The following RGS6 variants were observed in gnomAD, a reference collection of about 807,000 sequenced individuals.
The protein encoded by RGS6 is regulator of G-protein signaling 6.
RGS6 carries 30 observed loss-of-function variants against 78.5 expected under a neutral mutation model. That is an observed-to-expected ratio of 0.38 (90% CI 0.29 to 0.52). The LOEUF is 0.52. Among genes scored for constraint, RGS6 ranks in the 20% least tolerant of loss-of-function variants. RGS6 has a pLI of 0.85. For missense variants in RGS6, 495 were observed against 609.7 expected, an observed-to-expected ratio of 0.81 and a Z score of 1.98; for synonymous variants, 206 against 206.0, an observed-to-expected ratio of 1.00 and a Z score of 0.00.
chr14:72,468,730 G>A (rs1444240067), intron 7 of RGS6, among the ~76,000 whole-genome samples: 1 of 152,054 alleles, frequency 6.6e-6, no homozygotes, highest in Non-Finnish European at 1.5e-5. Context: ...CTACGTTATT[G>A]TGTTTAATGG....
chr14:71,878,978 G>A, the RGS6 span, among the ~76,000 whole-genome samples: 1 of 152,112 alleles, frequency 6.6e-6, no homozygotes, highest in East Asian at 1.9e-4. Context: ...GACACACTGG[G>A]CAGATATGTT....
the RGS6 span, chr14:72,620,082 T>C: frequency 8.0e-7 from 1 of 1,249,342 alleles, no homozygotes; most frequent in Non-Finnish European, 1.1e-6. Context: ...TCCACGTCGG[T>C]CTCACTGGAT....
chr14:72,195,882 A>G (rs191872466), intron 2 of RGS6, among the ~76,000 whole-genome samples: 4 of 152,352 alleles, frequency 2.6e-5, no homozygotes, highest in East Asian at 3.9e-4. Flanking sequence ...GGCAGTGGGT[A>G]CAGATCGCAG....
At chr14:72,442,848 G>A (rs960969948) in intron 3 of RGS6, among the ~76,000 whole-genome samples, 1 of 152,264 alleles carries the variant, frequency 6.6e-6, no homozygotes, top group African/African-American at 2.4e-5. Flanking sequence ...AGCTGGGATG[G>A]AGAAAGAGGA....
chr14:72,494,075 A>G (rs1460622791), intron 12 of RGS6, among the ~76,000 whole-genome samples: 1 of 152,246 alleles, frequency 6.6e-6, no homozygotes, highest in Non-Finnish European at 1.5e-5. Context: ...GAGCAAGAAG[A>G]CTAAAGACTT....
intron 3 of RGS6, among the ~76,000 whole-genome samples, chr14:72,409,427 G>C (rs1248482989): frequency 6.6e-6 from 1 of 152,142 alleles, no homozygotes; most frequent in Non-Finnish European, 1.5e-5. Flanking sequence ...TCATTTTACT[G>C]TTCACATTGG....
Position 72,482,922 on chromosome 14 carries a change from A to G in RGS6, c.854+4593A>G, listed in dbSNP as rs964665224. 3.2e-4 allele frequency among the ~76,000 whole-genome samples: 48 copies of G among 152,324 alleles called. 1 individual carries two copies. Among genetic ancestry groups the G allele is most frequent in the South Asian group, 8.3e-4 (4 of 4,828 alleles). ...AGCTTTGATCCTAAAGCAAGTGTGA[A>G]AAGTCTTTTTTGTGAGGTGTGTTGT... On this transcript the variant is annotated intron_variant, in intron 12 of 17. Coordinates refer to ENST00000553525, the MANE Select transcript of RGS6 (RefSeq NM_001204424.2).
At chr14:72,232,291 C>T (rs1166689374) in intron 2 of RGS6, among the ~76,000 whole-genome samples, 1 of 152,092 alleles carries the variant, frequency 6.6e-6, no homozygotes, top group Non-Finnish European at 1.5e-5. Context: ...AGAACTCTGA[C>T]CCAGATTCTG....
chr14:71,926,756 G>A, the RGS6 span, among the ~76,000 whole-genome samples: 1 of 152,048 alleles, frequency 6.6e-6, no homozygotes, highest in African/African-American at 2.4e-5. Context: ...TGTTTTACAG[G>A]GTGTTATGCA....
chr14:72,160,625 G>A (rs1331061840), intron 2 of RGS6, among the ~76,000 whole-genome samples: 4 of 152,228 alleles, frequency 2.6e-5, no homozygotes, highest in Non-Finnish European at 5.9e-5. Context: ...GAGGCCTTTG[G>A]GATGGGTCCT....
At chr14:72,226,948 A>C (rs2048277555) in intron 2 of RGS6, among the ~76,000 whole-genome samples, 1 of 152,198 alleles carries the variant, frequency 6.6e-6, no homozygotes, top group African/African-American at 2.4e-5. Flanking sequence ...TGACCTCCCA[A>C]AGTGGAGGCA....
intron 3 of RGS6, among the ~76,000 whole-genome samples, chr14:72,448,743 G>T (rs993917483): frequency 6.6e-6 from 1 of 151,996 alleles, no homozygotes; most frequent in Non-Finnish European, 1.5e-5. Flanking sequence ...AATACATACA[G>T]AATATCGGTT....
At chr14:72,416,897 C>T (rs750716164) in intron 3 of RGS6, among the ~76,000 whole-genome samples, 4 of 152,164 alleles carry the variant, frequency 2.6e-5, no homozygotes, top group Non-Finnish European at 4.4e-5. Flanking sequence ...CATATATACC[C>T]CTATAACCAT....
chr14:72,091,435 C>T (rs757934449), intron 2 of RGS6, among the ~76,000 whole-genome samples: 74 of 152,288 alleles, frequency 4.9e-4, no homozygotes, highest in Non-Finnish European at 9.3e-4. Context: ...ACCCAGCCTC[C>T]CTAGATTCTG....
chr14:72,500,213 T>C (rs1478234845), intron 13 of RGS6, among the ~76,000 whole-genome samples: 1 of 152,254 alleles, frequency 6.6e-6, no homozygotes, highest in Non-Finnish European at 1.5e-5. Context: ...GTTCTACTCC[T>C]GTTGTTCTAG....
chr14:72,186,728 A>G (rs560904493), intron 2 of RGS6, among the ~76,000 whole-genome samples: 45 of 152,252 alleles, frequency 3.0e-4, no homozygotes, highest in African/African-American at 1.0e-3. Context: ...ATTTTCTTGC[A>G]AAAATAGCAG....
At chr14:72,074,000 T>C (rs1401683767) in intron 2 of RGS6, among the ~76,000 whole-genome samples, 1 of 152,222 alleles carries the variant, frequency 6.6e-6, no homozygotes, top group African/African-American at 2.4e-5. Flanking sequence ...CTCCATGGTT[T>C]TATTTAAAAG....
chr14:72,120,596 A>C (rs1296942410), intron 2 of RGS6, among the ~76,000 whole-genome samples: 1 of 152,252 alleles, frequency 6.6e-6, no homozygotes, highest in Non-Finnish European at 1.5e-5. Flanking sequence ...AGAACGGATA[A>C]ACTGCGTTGT....
chr14:72,205,173 C>T (rs2042432123), intron 2 of RGS6, among the ~76,000 whole-genome samples: 1 of 152,200 alleles, frequency 6.6e-6, no homozygotes, highest in Admixed American at 6.5e-5. Flanking sequence ...GTGTTGAGCT[C>T]CCATGTCCTC....
Sources: allele counts gnomAD v4.1 joint callset (sites outside exome capture counted in the v4.1 genomes callset), GRCh38; gene constraint gnomAD v4.1.1; transcripts MANE v1.5; gene names NCBI Gene and HGNC (gene_info 2026-07-23, HGNC 2026-07-21).